The following BRD7 variants were observed in gnomAD, a reference collection of about 807,000 sequenced individuals.
BRD7 encodes bromodomain-containing protein 7.
In BRD7, 15 loss-of-function variants were observed where a neutral mutation model predicts 82.1. That is an observed-to-expected ratio of 0.18 (90% CI 0.12 to 0.28). The LOEUF (loss-of-function observed/expected upper bound fraction) is 0.28. Ranked by LOEUF, BRD7 falls within the 10% of genes least tolerant of loss-of-function variation. The probability of loss-of-function intolerance (pLI) is 1.00; values close to 1 mark genes in which losing one functional copy is unlikely to be tolerated. For synonymous variants in BRD7, 232 were observed against 266.9 expected (o/e 0.87, Z 1.27); for missense variants, 638 against 779.9 (o/e 0.82, Z 2.17).
At chr16:50,364,276 C>T (rs1322123213) in intron 2 of BRD7, among the ~76,000 whole-genome samples, 1 of 152,162 alleles carries the variant, frequency 6.6e-6, no homozygotes, top group African/African-American at 2.4e-5. Flanking sequence ...CATACTCTAG[C>T]CCTTCTTTCT....
chr16:50,365,842 T>C (rs1042731161), intron 2 of BRD7, among the ~76,000 whole-genome samples: 2 of 150,646 alleles, frequency 1.3e-5, no homozygotes, highest in African/African-American at 4.9e-5. Flanking sequence ...GAGTCTAATA[T>C]CTAAAGGGCA....
intron 5 of BRD7, among the ~76,000 whole-genome samples, chr16:50,347,123 C>A (rs548365229): frequency 6.6e-6 from 1 of 152,058 alleles, no homozygotes; most frequent in African/African-American, 2.4e-5. Flanking sequence ...AATCAATAAA[C>A]GTAATCCAGC....
intron 2 of BRD7, among the ~76,000 whole-genome samples, chr16:50,362,509 T>C (rs2038970112): frequency 6.7e-6 from 1 of 149,926 alleles, no homozygotes; most frequent in Non-Finnish European, 1.5e-5. Flanking sequence ...TTCATGTTCC[T>C]CGCAGCATTA....
chr16:50,321,642 A>T (rs2037118848), intron 13 of BRD7, among the ~76,000 whole-genome samples: 1 of 151,672 alleles, frequency 6.6e-6, no homozygotes, highest in Admixed American at 6.6e-5. Flanking sequence ...GGGTTTCCAT[A>T]ACCTCAACAT....
intron 2 of BRD7, among the ~76,000 whole-genome samples, chr16:50,363,315 T>C (rs1302321670): frequency 6.6e-6 from 1 of 152,214 alleles, no homozygotes; most frequent in African/African-American, 2.4e-5. Context: ...TGGGAAAATA[T>C]TAAGACTGAA....
chr16:50,325,882 C>T lies in BRD7; in HGVS notation c.1197G>A (p.Val399=), dbSNP rs377367045. 3 of 1,585,490 alleles carry T rather than the reference C, an allele frequency of 1.9e-6. No individual in the cohort carries two copies. In the South Asian group the frequency reaches 3.5e-5, roughly 19 times the overall value. Residue 399 remains valine (V), a splice_region_variant and synonymous_variant, in exon 11 of 17, where the codon GTG becomes GTA. Transcript: ENST00000394688. Reference sequence around the variant, plus strand: ...TGTAGGGCCCATAATTCAAATATAACACTGTTGAAAAAATCAAATACTGTA... The same window carrying T: ...TGTAGGGCCCATAATTCAAATATAATACTGTTGAAAAAATCAAATACTGTA... ...KEDKRNKVTP[V]LYLNYGPYSS... is the part of the protein sequence containing the mutation.
chr16:50,362,215 A>G (rs1214473307), intron 2 of BRD7, among the ~76,000 whole-genome samples: 1 of 152,142 alleles, frequency 6.6e-6, no homozygotes, highest in African/African-American at 2.4e-5. Context: ...GGAGCCTCAG[A>G]ACTAGAACCC....
chr16:50,339,129 C>A (rs1473517929), intron 6 of BRD7, among the ~76,000 whole-genome samples: 3 of 152,260 alleles, frequency 2.0e-5, no homozygotes, highest in Non-Finnish European at 4.4e-5. Context: ...TCTGTGCCTA[C>A]GCACACACTT....
At chr16:50,360,107 T>C (rs746013500) in intron 2 of BRD7, among the ~76,000 whole-genome samples, 10 of 152,224 alleles carry the variant, frequency 6.6e-5, no homozygotes, top group Non-Finnish European at 1.5e-4. Flanking sequence ...ACCACATTAT[T>C]CACTCAACAA....
intron 4 of BRD7, among the ~76,000 whole-genome samples, chr16:50,352,960 T>A (rs979320038): frequency 6.6e-6 from 1 of 152,128 alleles, no homozygotes; most frequent in Non-Finnish European, 1.5e-5. Flanking sequence ...GAATACCCAA[T>A]ACCTATTCAC....
At position 50,334,667 on chromosome 16, in the gene BRD7, C is replaced by T. The variant is rs758517065; in HGVS notation, c.887+44G>A. The T allele has an allele frequency of 5.6e-6, 9 of 1,597,878 alleles. No homozygotes were observed. The African/African-American group carries it at 6.7e-5, about 12-fold the overall frequency. ...AATAAGTATTTTTCCCCCTTACTAG[C>T]TTGAAGAAGACAGTTTGACCTTAAC... is the stretch of plus-strand genomic sequence containing the variant. On this transcript the variant is annotated intron_variant, in intron 7 of 16. Transcript: ENST00000394688.
chr16:50,321,878 A>T (rs887405416), intron 13 of BRD7, 104 bp downstream of exon 13: 3 of 1,051,664 alleles, frequency 2.9e-6, no homozygotes, highest in Non-Finnish European at 4.3e-6. Context: ...TCTACTCACT[A>T]ACCTTTTTCC....
chr16:50,328,844 C>T (rs1409434669), intron 8 of BRD7, 100 bp from the exon 9 acceptor site: 11 of 961,322 alleles, frequency 1.1e-5, no homozygotes, highest in Admixed American at 5.2e-5. Flanking sequence ...TTGTGGATTG[C>T]AGATTTTCCC....
chr16:50,328,887 A>G (rs1033821059), intron 8 of BRD7, 143 bp from the exon 9 acceptor site: 8 of 639,100 alleles, frequency 1.3e-5, no homozygotes, highest in East Asian at 1.1e-4. Context: ...ACATAATGAG[A>G]TATCTTAGGG....
At chr16:50,328,169 T>A (rs1416628382) in intron 9 of BRD7, among the ~76,000 whole-genome samples, 1 of 152,204 alleles carries the variant, frequency 6.6e-6, no homozygotes, top group South Asian at 2.1e-4. Context: ...AAAATATGAC[T>A]GAGGTTCTAA....
chr16:50,320,842 A>C, intron 13 of BRD7, 68 bp from the exon 14 acceptor site: 3 of 1,054,532 alleles, frequency 2.8e-6, no homozygotes, highest in Non-Finnish European at 4.4e-6. Flanking sequence ...ACTAGAAATT[A>C]CTCAGATGGC....
At chr16:50,341,384 T>C (rs2038046404) in intron 5 of BRD7, among the ~76,000 whole-genome samples, 2 of 152,118 alleles carry the variant, frequency 1.3e-5, no homozygotes, top group South Asian at 4.1e-4. Flanking sequence ...CTCACCCTTA[T>C]AATTCTAGCA....
At chr16:50,355,045 T>TAACAA (rs1650250077) in intron 2 of BRD7, 123 bp from the exon 3 acceptor site, 6 of 1,160,466 alleles carry the variant, frequency 5.2e-6, no homozygotes, top group Non-Finnish European at 7.2e-6. Flanking sequence ...ACAAGCTCAA[T>TAACAA]GTACTTTACT....
chr16:50,345,956 C>T (rs374504721), intron 5 of BRD7, among the ~76,000 whole-genome samples: 3 of 152,244 alleles, frequency 2.0e-5, no homozygotes, highest in Non-Finnish European at 2.9e-5. Context: ...CCTAAATCAA[C>T]AGAATATACA....
Sources: allele counts gnomAD v4.1 joint callset (sites outside exome capture counted in the v4.1 genomes callset), GRCh38; gene constraint gnomAD v4.1.1; transcripts MANE v1.5; gene names NCBI Gene and HGNC (gene_info 2026-07-23, HGNC 2026-07-21).